The following SCAND3 variants were observed in gnomAD, a reference collection of about 807,000 sequenced individuals.
SCAND3 encodes the protein SCAN domain-containing protein 3.
chr6:28,572,033 C>T, the SCAND3 span: 1 of 1,613,978 alleles, frequency 6.2e-7, no homozygotes, highest in Non-Finnish European at 8.5e-7. The surrounding 1 kb of genome is among the most constrained non-coding windows in gnomAD (Gnocchi z 4.1). Flanking sequence ...GTTTTAATAA[C>T]ACTTAAAGTA....
the SCAND3 span, chr6:28,572,516 T>G: frequency 6.2e-7 from 1 of 1,613,578 alleles, no homozygotes; most frequent in Non-Finnish European, 8.5e-7. The surrounding 1 kb of genome is among the most constrained non-coding windows in gnomAD (Gnocchi z 4.1). Flanking sequence ...GAAAAATAAG[T>G]TGCATTCTTC....
chr6:28,590,823 T>C, the SCAND3 span: 1 of 152,208 alleles, frequency 6.6e-6, no homozygotes, highest in Non-Finnish European at 1.5e-5. Context: ...GAAAGCATTA[T>C]TTTGGCTCCC....
the SCAND3 span, chr6:28,572,981 AACATACTCCT>A: frequency 6.2e-7 from 1 of 1,613,910 alleles, no homozygotes; most frequent in Non-Finnish European, 8.5e-7. The surrounding 1 kb of genome is among the most constrained non-coding windows in gnomAD (Gnocchi z 4.1). Flanking sequence ...GCACCATCAG[AACATACTCCT>A]ACACAAAATT....
chr6:28,592,242 G>T, the SCAND3 span, among the ~76,000 whole-genome samples: 1 of 152,244 alleles, frequency 6.6e-6, no homozygotes, highest in Non-Finnish European at 1.5e-5. The surrounding 1 kb of genome is among the most constrained non-coding windows in gnomAD (Gnocchi z 4.1). Context: ...CAGTAAAGTT[G>T]CAGGATACAA....
At chr6:28,600,989 T>C in the SCAND3 span, among the ~76,000 whole-genome samples, 1 of 142,652 alleles carries the variant, frequency 7.0e-6, no homozygotes, top group Non-Finnish European at 1.5e-5. Context: ...GCAAGCTCCA[T>C]CTCCCAGGGT....
At chr6:28,574,915 C>T in the SCAND3 span, 1 of 1,613,952 alleles carries the variant, frequency 6.2e-7, no homozygotes, top group African/African-American at 1.3e-5. Context: ...AAATCTTAGT[C>T]TGCTCTCAGG....
At chr6:28,600,636 A>C in the SCAND3 span, among the ~76,000 whole-genome samples, 1 of 152,154 alleles carries the variant, frequency 6.6e-6, no homozygotes, top group Non-Finnish European at 1.5e-5. Context: ...CAAAAAAGTA[A>C]AATGTAAAAA....
chr6:28,601,732 G>A, the SCAND3 span, among the ~76,000 whole-genome samples: 4 of 152,144 alleles, frequency 2.6e-5, no homozygotes, highest in Non-Finnish European at 5.9e-5. Flanking sequence ...TGCCATGTTG[G>A]TCAGGCTGGT....
the SCAND3 span, chr6:28,573,764 T>G: frequency 6.3e-7 from 1 of 1,586,178 alleles, no homozygotes; most frequent in Non-Finnish European, 8.5e-7. Flanking sequence ...TTATTACTAC[T>G]ACTGTGTTCA....
the SCAND3 span, among the ~76,000 whole-genome samples, chr6:28,595,827 C>T: frequency 6.6e-6 from 1 of 152,160 alleles, no homozygotes; most frequent in Non-Finnish European, 1.5e-5. Flanking sequence ...CATCTGAATA[C>T]TTTATTAAAT....
chr6:28,582,031 A>T, the SCAND3 span, among the ~76,000 whole-genome samples: 1 of 152,234 alleles, frequency 6.6e-6, no homozygotes, highest in Non-Finnish European at 1.5e-5. The surrounding 1 kb of genome is among the most constrained non-coding windows in gnomAD (Gnocchi z 4.8). Context: ...TGACCACATT[A>T]AAAAAACTAT....
At chr6:28,572,840 T>A in the SCAND3 span, 1 of 1,613,816 alleles carries the variant, frequency 6.2e-7, no homozygotes, top group Non-Finnish European at 8.5e-7. This position sits in a 1 kb window ranked among gnomAD's most constrained non-coding sequence, Gnocchi z 4.1. Context: ...TTAAGTACAC[T>A]ATTTAGTTCA....
the SCAND3 span, among the ~76,000 whole-genome samples, chr6:28,608,762 G>A: frequency 6.6e-6 from 1 of 152,186 alleles, no homozygotes; most frequent in African/African-American, 2.4e-5. Flanking sequence ...AATTTGAAAA[G>A]CTGAGGCAGG....
the SCAND3 span, among the ~76,000 whole-genome samples, chr6:28,578,879 T>C: frequency 2.0e-5 from 3 of 152,212 alleles, no homozygotes; most frequent in African/African-American, 7.2e-5. Flanking sequence ...AGAAATTCCA[T>C]ATTCTAAGGT....
chr6:28,612,449 A>G, the SCAND3 span, among the ~76,000 whole-genome samples: 1 of 152,160 alleles, frequency 6.6e-6, no homozygotes, highest in East Asian at 1.9e-4. Context: ...AACATCTGGA[A>G]AGACTAGATG....
chr6:28,611,302 C>G, the SCAND3 span, among the ~76,000 whole-genome samples: 1 of 152,186 alleles, frequency 6.6e-6, no homozygotes, highest in Non-Finnish European at 1.5e-5. Flanking sequence ...TGGTTATCAT[C>G]TAAAACCATG....
At chr6:28,570,964 T>A in the SCAND3 span, 2 of 152,174 alleles carry the variant, frequency 1.3e-5, no homozygotes, top group African/African-American at 4.8e-5. Context: ...TAGCAAAATC[T>A]AGAAACCACC....
At chr6:28,586,539 T>C in the SCAND3 span, 4 of 1,614,240 alleles carry the variant, frequency 2.5e-6, no homozygotes, top group African/African-American at 4.0e-5. This position sits in a 1 kb window ranked among gnomAD's most constrained non-coding sequence, Gnocchi z 4.4. Flanking sequence ...TGTCTCCTGA[T>C]AGCAGAACTG....
At chr6:28,611,983 A>C in the SCAND3 span, among the ~76,000 whole-genome samples, 1 of 152,152 alleles carries the variant, frequency 6.6e-6, no homozygotes, top group Non-Finnish European at 1.5e-5. Flanking sequence ...AAGAGGAATA[A>C]GCATCCAGTT....
Sources: gnomAD v4.1 joint callset for allele counts (sites outside exome capture counted in the v4.1 genomes callset) on GRCh38, gnomAD v4.1.1 for gene constraint, Gnocchi (gnomAD v3.1) non-coding constraint, MANE v1.5 for transcripts, NCBI Gene and HGNC (gene_info 2026-07-23, HGNC 2026-07-21) for gene names.